DYM: variants seen among roughly 807,000 people sequenced by gnomAD.
The protein encoded by DYM is dyggve-Melchior-Clausen syndrome protein.
A neutral mutation model predicts 93.1 loss-of-function variants in DYM; 78 were observed. The observed-to-expected ratio is 0.84, with a 90% CI of 0.70 to 1.01. The LOEUF is 1.01. Among genes scored for constraint, DYM ranks in the 50% least tolerant of loss-of-function variants. The pLI is 0.00. For synonymous variants in DYM, 321 were observed against 319.7 expected (o/e 1.00, Z -0.04); for missense variants, 789 against 845.0 (o/e 0.93, Z 0.82).
chr18:49,205,478 A>G (rs1368303825), intron 14 of DYM, among the ~76,000 whole-genome samples: 1 of 152,148 alleles, frequency 6.6e-6, no homozygotes, highest in Non-Finnish European at 1.5e-5. Flanking sequence ...AAAAAAATAC[A>G]TATAACATAA....
intron 2 of DYM, among the ~76,000 whole-genome samples, chr18:49,429,246 C>G (rs1422686867): frequency 2.6e-5 from 4 of 152,252 alleles, no homozygotes; most frequent in African/African-American, 7.2e-5. Context: ...CCAAGATAAT[C>G]TCCCTGTTTT....
intron 16 of DYM, among the ~76,000 whole-genome samples, chr18:49,099,847 T>G (rs2079953029): frequency 6.6e-6 from 1 of 152,194 alleles, no homozygotes; most frequent in African/African-American, 2.4e-5. Context: ...TTCATCACTG[T>G]TTTTCCCTTG....
intron 2 of DYM, among the ~76,000 whole-genome samples, chr18:49,406,344 G>T (rs574465178): frequency 4.0e-5 from 6 of 149,880 alleles, no homozygotes; most frequent in Non-Finnish European, 7.4e-5. Flanking sequence ...CAGATCACCT[G>T]AGGCAGGATT....
chr18:49,339,645 G>T (rs891171008), intron 6 of DYM, among the ~76,000 whole-genome samples: 1 of 152,178 alleles, frequency 6.6e-6, no homozygotes, highest in Non-Finnish European at 1.5e-5. Flanking sequence ...CCCAGCTGAG[G>T]CTTCAAGTGA....
intron 13 of DYM, among the ~76,000 whole-genome samples, chr18:49,211,904 C>T (rs182859271): frequency 6.6e-6 from 1 of 152,324 alleles, no homozygotes; most frequent in Admixed American, 6.5e-5. Context: ...AGGACTCCAT[C>T]TACCAAAAGA....
chr18:49,393,887 A>G (rs1266512875), intron 2 of DYM: 1 of 152,270 alleles, frequency 6.6e-6, no homozygotes, highest in Non-Finnish European at 1.5e-5. Flanking sequence ...CAGCCACAAA[A>G]AGATAAATAT....
intron 10 of DYM, among the ~76,000 whole-genome samples, chr18:49,281,172 C>G (rs2094964450): frequency 6.6e-6 from 1 of 152,196 alleles, no homozygotes; most frequent in South Asian, 2.1e-4. Context: ...CAAAAGAAGA[C>G]ATTTATGCAG....
chr18:49,379,800 C>A, intron 3 of DYM, 42 bp from the exon 4 acceptor site: 1 of 1,484,522 alleles, frequency 6.7e-7, no homozygotes. Flanking sequence ...AATTTAAGAA[C>A]TAAAATCAAA....
intron 1 of DYM, among the ~76,000 whole-genome samples, chr18:49,434,878 A>C (rs979397262): frequency 6.6e-6 from 1 of 152,066 alleles, no homozygotes. Context: ...CACAACCCAT[A>C]AAAGAAAAAA....
In DYM at chr18:49,428,789, T is replaced by C. The variant is rs185860790; in HGVS notation, c.140+1466A>G. Reference sequence around the variant, plus strand: ...TGGTTCCTTTCTGGGATGATAATGTTCTAAAATTGGTGATTGTTACACAAT... The same window carrying C: ...TGGTTCCTTTCTGGGATGATAATGTCCTAAAATTGGTGATTGTTACACAAT... On this transcript the variant is annotated intron_variant, in intron 2 of 17. Coordinates refer to ENST00000675505, the MANE Select transcript of DYM (RefSeq NM_001353214.3). Among the ~76,000 whole-genome samples, 197 of 152,274 alleles carry C rather than the reference T, an allele frequency of 1.3e-3. 2 individuals carry two copies. The highest frequency in any genetic ancestry group is 1.1e-3 in the Non-Finnish European group (78 of 68,014).
intron 14 of DYM, among the ~76,000 whole-genome samples, chr18:49,175,563 A>T (rs893370942): frequency 1.3e-5 from 2 of 152,186 alleles, no homozygotes; most frequent in African/African-American, 4.8e-5. Context: ...ATTTCCATCC[A>T]GGACAAGAGC....
intron 1 of DYM, among the ~76,000 whole-genome samples, chr18:49,459,667 C>A (rs1043957014): frequency 6.6e-6 from 1 of 152,120 alleles, no homozygotes; most frequent in Non-Finnish European, 1.5e-5. Flanking sequence ...CCTGGGTACC[C>A]GCTTTGCTGG....
chr18:49,080,888 CCCA>C (rs1222929132), intron 17 of DYM, among the ~76,000 whole-genome samples: 2 of 146,202 alleles, frequency 1.4e-5, no homozygotes, highest in African/African-American at 5.1e-5. Flanking sequence ...AGAGGCGCTC[CCCA>C]CATCTCAGAC....
chr18:49,201,023 G>A (rs1373706212), intron 14 of DYM, among the ~76,000 whole-genome samples: 1 of 152,006 alleles, frequency 6.6e-6, no homozygotes, highest in Non-Finnish European at 1.5e-5. Flanking sequence ...TATATCTTTA[G>A]TATAACAAAT....
At chr18:49,110,208 TACAGAA>T (rs1265910369) in intron 16 of DYM, among the ~76,000 whole-genome samples, 1 of 152,208 alleles carries the variant, frequency 6.6e-6, no homozygotes, top group African/African-American at 2.4e-5. Flanking sequence ...TCTGCTCACT[TACAGAA>T]AAAGTTTGAG....
At chr18:49,347,549 C>A (rs559370346) in intron 6 of DYM, among the ~76,000 whole-genome samples, 1 of 152,144 alleles carries the variant, frequency 6.6e-6, no homozygotes, top group Non-Finnish European at 1.5e-5. Flanking sequence ...TCTATTAACT[C>A]GCTCTGTTAA....
At chr18:49,452,322 G>A (rs2082589656) in intron 1 of DYM, among the ~76,000 whole-genome samples, 1 of 152,158 alleles carries the variant, frequency 6.6e-6, no homozygotes, top group East Asian at 1.9e-4. Flanking sequence ...AAGAGTGAAA[G>A]AACAAAGCTC....
chr18:49,082,104 C>T (rs1374894918), intron 17 of DYM, among the ~76,000 whole-genome samples: 1 of 152,240 alleles, frequency 6.6e-6, no homozygotes, highest in African/African-American at 2.4e-5. Context: ...CTACTCTCTT[C>T]AGCATTCATG....
chr18:49,078,570 G>A (rs1272504845), intron 17 of DYM, among the ~76,000 whole-genome samples: 1 of 152,062 alleles, frequency 6.6e-6, no homozygotes, highest in African/African-American at 2.4e-5. Flanking sequence ...TCCCTTCTGG[G>A]ATTCTTCTAC....
Sources: allele counts gnomAD v4.1 joint callset (sites outside exome capture counted in the v4.1 genomes callset), GRCh38; gene constraint gnomAD v4.1.1; transcripts MANE v1.5; gene names NCBI Gene and HGNC (gene_info 2026-07-23, HGNC 2026-07-21).